Variants in SKAP2 observed in about 807,000 individuals in gnomAD.
The protein encoded by SKAP2 is src kinase associated phosphoprotein 2, also known as src kinase-associated phosphoprotein 2.
A neutral mutation model predicts 54.9 loss-of-function variants in SKAP2; 28 were observed. That is an observed-to-expected ratio of 0.51 (90% confidence interval 0.38 to 0.70). The LOEUF is 0.70. Among genes scored for constraint, SKAP2 ranks in the 30% least tolerant of loss-of-function variants. The pLI is 0.00. For synonymous variants in SKAP2, 137 were observed against 134.3 expected, an observed-to-expected ratio of 1.02 and a Z score of -0.14; for missense variants, 356 against 424.1, an observed-to-expected ratio of 0.84 and a Z score of 1.41.
intron 4 of SKAP2, among the ~76,000 whole-genome samples, chr7:26,777,873 A>C (rs2127977242): frequency 6.6e-6 from 1 of 152,182 alleles, no homozygotes; most frequent in Admixed American, 6.5e-5. Flanking sequence ...ACCTGGTAAA[A>C]TCCTGGTAAC....
intron 11 of SKAP2, among the ~76,000 whole-genome samples, chr7:26,682,016 A>AAC (rs2128086351): frequency 1.3e-5 from 2 of 152,248 alleles, no homozygotes; most frequent in African/African-American, 4.8e-5. Context: ...GTAAAAAAAA[A>AAC]CAGAAAGGTA....
chr7:26,691,121 T>C (rs1786770927), intron 9 of SKAP2, among the ~76,000 whole-genome samples: 1 of 152,300 alleles, frequency 6.6e-6, no homozygotes, highest in Non-Finnish European at 1.5e-5. Context: ...AAGTGTGTCA[T>C]TCGAACTTAA....
intron 4 of SKAP2, among the ~76,000 whole-genome samples, chr7:26,830,354 C>T (rs1197002289): frequency 6.6e-6 from 1 of 151,880 alleles, no homozygotes; most frequent in African/African-American, 2.4e-5. Flanking sequence ...ATTCTGTGAC[C>T]ATATTAAAAA....
intron 4 of SKAP2, among the ~76,000 whole-genome samples, chr7:26,782,172 G>A (rs1234771480): frequency 1.3e-5 from 2 of 152,094 alleles, no homozygotes; most frequent in Non-Finnish European, 2.9e-5. Flanking sequence ...TATGCTATAA[G>A]CCATTATAAC....
intron 4 of SKAP2, among the ~76,000 whole-genome samples, chr7:26,774,895 C>T (rs967730228): frequency 1.3e-5 from 2 of 152,196 alleles, no homozygotes; most frequent in South Asian, 4.2e-4. Context: ...TAACAAGCAC[C>T]TGATTTGTTA....
the SKAP2 span, among the ~76,000 whole-genome samples, chr7:26,658,520 G>C: frequency 6.6e-6 from 1 of 151,818 alleles, no homozygotes; most frequent in African/African-American, 2.4e-5. Context: ...GCATTTTTCA[G>C]ATTTTTTTTT....
intron 9 of SKAP2, 119 bp downstream of exon 9, chr7:26,725,309 T>C (rs2127955742): frequency 3.2e-6 from 2 of 628,140 alleles, no homozygotes; most frequent in East Asian, 2.9e-5. Flanking sequence ...TTGTTCTCAA[T>C]AGGTCACCAT....
Position 26,739,890 on chromosome 7 carries a change from T to C in SKAP2, c.382A>G (p.Lys128Glu). 1 of 1,606,334 alleles carries C rather than the reference T, an allele frequency of 6.2e-7. No individual in the cohort carries two copies. The highest frequency in any genetic ancestry group is 8.5e-7 in the Non-Finnish European group (1 of 1,174,492). The change falls in exon 5 of 13, where the codon AAA becomes GAA. Residue 128 changes from lysine (K) to glutamate (E), a missense_variant. Lys to Glu is a moderately conservative substitution (Grantham distance 56). Transcript: ENST00000345317. Reference sequence around the variant, plus strand: ...TTCATTAGAACCTTCAGTTTACCTTTTCTGCGTTTTTCAAGGTAGCCAGCC... The same window carrying C: ...TTCATTAGAACCTTCAGTTTACCTTCTCTGCGTTTTTCAAGGTAGCCAGCC... ...LKAGYLEKRR[K>E]DHSFLGFEWQ...
chr7:26,779,445 A>C (rs1783380115), intron 4 of SKAP2, among the ~76,000 whole-genome samples: 1 of 152,052 alleles, frequency 6.6e-6, no homozygotes, highest in Non-Finnish European at 1.5e-5. Flanking sequence ...GAAATTTAAT[A>C]AAGATAAAAT....
At chr7:26,805,043 C>T (rs183544005) in intron 4 of SKAP2, among the ~76,000 whole-genome samples, 7 of 152,070 alleles carry the variant, frequency 4.6e-5, no homozygotes, top group Admixed American at 4.6e-4. Flanking sequence ...TAATATACTA[C>T]AATTTTAACA....
chr7:26,665,150 A>C (rs1000879862), downstream of SKAP2, among the ~76,000 whole-genome samples: 1 of 152,188 alleles, frequency 6.6e-6, no homozygotes, highest in African/African-American at 2.4e-5. Context: ...CAGATGCAGG[A>C]AAGGCTTCTC....
chr7:26,749,360 T>C (rs957698274), intron 4 of SKAP2, among the ~76,000 whole-genome samples: 2 of 152,110 alleles, frequency 1.3e-5, no homozygotes, highest in African/African-American at 4.8e-5. Context: ...TTACCCAAAA[T>C]AGAAAACTAG....
At chr7:26,839,773 CA>C (rs533749999) in intron 4 of SKAP2, among the ~76,000 whole-genome samples, 20 of 151,980 alleles carry the variant, frequency 1.3e-4, no homozygotes, top group Middle Eastern at 3.4e-3. Flanking sequence ...TAATTTTACA[CA>C]AAAAAAGTCT....
chr7:26,836,877 T>C (rs914188743), intron 4 of SKAP2, among the ~76,000 whole-genome samples: 2 of 152,114 alleles, frequency 1.3e-5, no homozygotes, highest in Non-Finnish European at 2.9e-5. Flanking sequence ...ACTATAAAGA[T>C]ACATGAACAC....
At chr7:26,755,434 G>A (rs1782769246) in intron 4 of SKAP2, among the ~76,000 whole-genome samples, 1 of 152,040 alleles carries the variant, frequency 6.6e-6, no homozygotes, top group Non-Finnish European at 1.5e-5. Flanking sequence ...TTGCATGGAT[G>A]TCACAATAGA....
chr7:26,776,918 A>T (rs957585554), intron 4 of SKAP2, among the ~76,000 whole-genome samples: 2 of 152,114 alleles, frequency 1.3e-5, no homozygotes, highest in Non-Finnish European at 2.9e-5. Flanking sequence ...CCTCTGGCAC[A>T]TCTACATCCT....
intron 1 of SKAP2, among the ~76,000 whole-genome samples, chr7:26,864,080 C>CACAA (rs1785322136): frequency 6.6e-6 from 1 of 151,172 alleles, no homozygotes; most frequent in Non-Finnish European, 1.5e-5. Context: ...CACACACACA[C>CACAA]ACACCGTCTT....
chr7:26,779,571 C>T (rs1326594063), intron 4 of SKAP2, among the ~76,000 whole-genome samples: 2 of 152,002 alleles, frequency 1.3e-5, no homozygotes, highest in African/African-American at 4.8e-5. Flanking sequence ...CATTTCAATT[C>T]ATATCATTCT....
chr7:26,770,277 G>A (rs1349312738), intron 4 of SKAP2, among the ~76,000 whole-genome samples: 1 of 152,116 alleles, frequency 6.6e-6, no homozygotes, highest in Non-Finnish European at 1.5e-5. Context: ...GCCTATTCAA[G>A]CCTCAGTAAT....
Sources: allele counts gnomAD v4.1 joint callset (sites outside exome capture counted in the v4.1 genomes callset), GRCh38; gene constraint gnomAD v4.1.1; transcripts MANE v1.5; gene names NCBI Gene and HGNC (gene_info 2026-07-23, HGNC 2026-07-21).